Variants in SFXN5 observed in about 807,000 individuals in gnomAD.
SFXN5 encodes sideroflexin 5, also known as sideroflexin-5.
In SFXN5, 43 loss-of-function variants were observed where a neutral mutation model predicts 50.2. The ratio of observed to expected loss-of-function variants is 0.86; its 90% CI spans 0.67 to 1.11. The LOEUF is 1.11. Among genes scored for constraint, SFXN5 ranks in the 50% least tolerant of loss-of-function variants. The pLI is 0.00. For synonymous variants in SFXN5, 203 were observed against 185.8 expected (o/e 1.09, Z -0.75); for missense variants, 463 against 454.1 (o/e 1.02, Z -0.18).
intron 1 of SFXN5, among the ~76,000 whole-genome samples, chr2:73,066,295 C>T (rs887549105): frequency 6.6e-6 from 1 of 152,112 alleles, no homozygotes; most frequent in Non-Finnish European, 1.5e-5. Flanking sequence ...TGGTAGCTCA[C>T]GCCTGTAACC....
At chr2:73,009,359 C>T (rs1416555101) in intron 6 of SFXN5, among the ~76,000 whole-genome samples, 1 of 152,202 alleles carries the variant, frequency 6.6e-6, no homozygotes, top group Non-Finnish European at 1.5e-5. Flanking sequence ...CAAGACGAGG[C>T]AGTGGCCCAG....
intron 6 of SFXN5, among the ~76,000 whole-genome samples, chr2:73,009,407 C>T (rs1261345168): frequency 6.6e-6 from 1 of 152,210 alleles, no homozygotes; most frequent in Non-Finnish European, 1.5e-5. Context: ...GTTGCTTGTC[C>T]ATGTGAAAGT....
chr2:73,051,941 C>T (rs1681385958), intron 2 of SFXN5, among the ~76,000 whole-genome samples: 1 of 152,066 alleles, frequency 6.6e-6, no homozygotes, highest in East Asian at 1.9e-4. Context: ...CGTAAAGGCC[C>T]CACCTCTTAA....
chr2:72,998,739 C>T (rs1000066399), intron 9 of SFXN5: 2 of 573,778 alleles, frequency 3.5e-6, no homozygotes, highest in African/African-American at 1.9e-5. Context: ...ACCTCCCCAC[C>T]TGCTCTCCAT....
chr2:73,030,780 C>T (rs1410192513), intron 3 of SFXN5, among the ~76,000 whole-genome samples: 2 of 152,110 alleles, frequency 1.3e-5, no homozygotes, highest in Non-Finnish European at 1.5e-5. Context: ...TCTGCTATTA[C>T]AAATCATGTT....
intron 2 of SFXN5, among the ~76,000 whole-genome samples, chr2:73,047,255 T>TATATATATATATATACACACAC (rs1680543322): frequency 3.2e-5 from 2 of 61,870 alleles, no homozygotes; most frequent in Non-Finnish European, 5.9e-5. Context: ...AATATATATA[T>TATATATATATATATACACACAC]ATATATATAT....
intron 3 of SFXN5, among the ~76,000 whole-genome samples, chr2:73,035,151 C>T (rs1260238407): frequency 6.6e-6 from 1 of 152,204 alleles, no homozygotes; most frequent in East Asian, 1.9e-4. Flanking sequence ...AGCGCTAGTA[C>T]TTATGGTGCA....
chr2:72,979,302 A>T (rs1271696405), intron 10 of SFXN5, among the ~76,000 whole-genome samples: 1 of 152,108 alleles, frequency 6.6e-6, no homozygotes, highest in Non-Finnish European at 1.5e-5. Flanking sequence ...CTCTTTCTCT[A>T]TTTCTTCAAT....
chr2:73,071,362 G>A (rs1477408466), intron 1 of SFXN5: 6 of 512,774 alleles, frequency 1.2e-5, no homozygotes, highest in Non-Finnish European at 2.1e-5. Context: ...AAAGGCTAGA[G>A]GGCGCGGGCA....
intron 10 of SFXN5, among the ~76,000 whole-genome samples, chr2:72,979,603 C>T (rs1671053421): frequency 6.6e-6 from 1 of 152,200 alleles, no homozygotes; most frequent in African/African-American, 2.4e-5. Flanking sequence ...CACTGCACTC[C>T]AGCCTGGGTG....
rs188595989 is a variant in SFXN5, at chr2:73,066,719, G to A, written c.102+4885C>T. Among the ~76,000 whole-genome samples, 3 of 152,180 alleles carry A rather than the reference G, an allele frequency of 2.0e-5. No individual in the cohort carries two copies. The East Asian group carries it at 5.8e-4, about 29-fold the overall frequency. On this transcript the variant is annotated intron_variant, in intron 1 of 13. Transcript: ENST00000272433. ...ACTTGATGATATTAAGAATTAATGGGCCAGGCATGGTGGCTCATGCCTGTA... is the reference window on the plus strand; with the variant it reads ...ACTTGATGATATTAAGAATTAATGGACCAGGCATGGTGGCTCATGCCTGTA...
rs1673572887 is a variant in SFXN5 at position 72,960,289 on chromosome 2, A to C, written c.945+842T>G. Among the ~76,000 whole-genome samples, 1 of 151,838 alleles carries C rather than the reference A, an allele frequency of 6.6e-6. No individual in the cohort carries two copies. Among genetic ancestry groups the C allele is most frequent in the Non-Finnish European group, 1.5e-5 (1 of 67,964 alleles). On this transcript the variant is annotated intron_variant, in intron 13 of 13. Transcript: ENST00000272433. The surrounding 1 kb of genome is among the most constrained non-coding windows in gnomAD (Gnocchi z 6.1). The stretch of plus-strand genomic sequence containing the variant: ...ACCTGCCCCCGCCTGGCTCCATCTC[A>C]TTAAGCACCTACATCTGCCTGGTTG...
At chr2:72,964,883 G>A (rs1040642313) in intron 12 of SFXN5, among the ~76,000 whole-genome samples, 10 of 152,186 alleles carry the variant, frequency 6.6e-5, no homozygotes, top group South Asian at 2.1e-4. Flanking sequence ...CAGGCTGGAC[G>A]GGTTCAGTCC....
At chr2:72,980,578 G>A (rs1671172909) in intron 10 of SFXN5, among the ~76,000 whole-genome samples, 1 of 152,136 alleles carries the variant, frequency 6.6e-6, no homozygotes, top group Non-Finnish European at 1.5e-5. Flanking sequence ...AAGTGTCACC[G>A]ACTCAGGATC....
rs747284578 is a variant in SFXN5 at position 72,961,146 on chromosome 2, G to C, written c.930C>G (p.Phe310Leu). 5 of 1,584,852 alleles carry C rather than the reference G, an allele frequency of 3.2e-6. No individual in the cohort carries two copies. Among genetic ancestry groups the C allele is most frequent in the Non-Finnish European group, 4.3e-6 (5 of 1,167,216 alleles). Residue 310 changes from phenylalanine (F) to leucine (L), a missense_variant, in exon 13 of 14, where the codon TTC becomes TTG. By Grantham distance (22) the Phe-to-Leu change is conservative. Coordinates refer to ENST00000272433, the MANE Select transcript of SFXN5 (RefSeq NM_144579.3). The surrounding 1 kb of genome is among the most constrained non-coding windows in gnomAD (Gnocchi z 4.4). ...CCCCACTGACCTCTGACATTTGCGG[G>C]AAGAGGCTGATGGCCAGCGGCAGGG... The part of the protein sequence containing the change: ...GLALPLAISL[F>L]PQMSEIETSQ...
intron 3 of SFXN5, among the ~76,000 whole-genome samples, chr2:73,039,381 G>A (rs1679336094): frequency 6.6e-6 from 1 of 152,134 alleles, no homozygotes; most frequent in South Asian, 2.1e-4. Flanking sequence ...AAAATCTGAG[G>A]TGGTTATTAA....
At chr2:73,059,585 A>T (rs1682580591) in intron 1 of SFXN5, 1 of 984,950 alleles carries the variant, frequency 1.0e-6, no homozygotes, top group African/African-American at 1.8e-5. Context: ...CCCCCCACAC[A>T]CCAGTTCTCA....
chr2:72,971,457 G>T, intron 11 of SFXN5, 113 bp downstream of exon 11: 1 of 700,644 alleles, frequency 1.4e-6, no homozygotes, highest in African/African-American at 1.8e-5. Flanking sequence ...GAGACATCAA[G>T]ATGCCAAAAT....
rs117400969 is a variant in SFXN5, at chr2:73,068,338, T to C, written c.102+3266A>G. Reference sequence around the variant, plus strand: ...GCATATATATTACACAACTATTACATGCCAGGGCAGGACACAGAGATGTGG... The same window carrying C: ...GCATATATATTACACAACTATTACACGCCAGGGCAGGACACAGAGATGTGG... On this transcript the variant is annotated intron_variant, in intron 1 of 13. Coordinates refer to ENST00000272433, the MANE Select transcript of SFXN5 (RefSeq NM_144579.3). Among the ~76,000 whole-genome samples, 289 of 152,322 alleles carry C rather than the reference T, an allele frequency of 1.9e-3. 3 individuals are homozygous for C. The East Asian group carries it at 0.036, about 19-fold the overall frequency.
Sources: gnomAD v4.1 joint callset for allele counts (sites outside exome capture counted in the v4.1 genomes callset) on GRCh38, gnomAD v4.1.1 for gene constraint, Gnocchi (gnomAD v3.1) non-coding constraint, MANE v1.5 for transcripts, NCBI Gene and HGNC (gene_info 2026-07-23, HGNC 2026-07-21) for gene names.